The following MYH7 variants were observed in gnomAD, a reference collection of about 807,000 sequenced individuals.
MYH7 encodes the protein myosin-7.
A neutral mutation model predicts 225.4 loss-of-function variants in MYH7; 129 were observed. That is an observed-to-expected ratio of 0.57 (90% CI 0.50 to 0.66). MYH7 has a LOEUF of 0.66. MYH7 is among the 30% of genes least tolerant of loss of function. The pLI, the probability that MYH7 is intolerant of heterozygous loss-of-function variation, is 0.00. For synonymous variants in MYH7, 971 were observed against 1,007.6 expected, an observed-to-expected ratio of 0.96 and a Z score of 0.69; for missense variants, 1,649 against 2,517.0, an observed-to-expected ratio of 0.66 and a Z score of 7.38.
At chr14:23,414,619 C>A (rs561089320) in intron 37 of MYH7, among the ~76,000 whole-genome samples, 1 of 152,266 alleles carries the variant, frequency 6.6e-6, no homozygotes, top group Non-Finnish European at 1.5e-5. Flanking sequence ...GTCCACACTG[C>A]CCTGGGCAAT....
chr14:23,412,900 T>A lies in MYH7; in HGVS notation c.5791-29A>T, dbSNP rs1207463920. 1.9e-6 allele frequency: 3 copies of A among 1,612,446 alleles called. No individual in the cohort carries two copies. In the African/African-American group the frequency reaches 4.0e-5, roughly 22 times the overall value. ...TTGAAAGGAAACAAAGTCCAATCAG[T>A]CCTTGGAGAGATGGTATTGGGCAGG... On this transcript the variant is annotated intron_variant, in intron 39 of 39. Coordinates refer to ENST00000355349, the MANE Select transcript of MYH7 (RefSeq NM_000257.4).
At position 23,413,812 on chromosome 14, in the gene MYH7, C is replaced by T. The variant is rs747451109; in HGVS notation, c.5737G>A (p.Ala1913Thr). 5 of 1,614,142 alleles carry T rather than the reference C, an allele frequency of 3.1e-6. No individual in the cohort carries two copies. The highest frequency in any genetic ancestry group is 2.2e-5 in the South Asian group (2 of 91,084). ...CGCAGCTTGTTGACCTGGGACTCGGCGATGTCCGCCCGCTCCTCTGCCTCA... is the reference window on the plus strand; with the variant it reads ...CGCAGCTTGTTGACCTGGGACTCGGTGATGTCCGCCCGCTCCTCTGCCTCA... ...LDEAEERADI[A>T]ESQVNKLRAK... The change falls in exon 39 of 40, where the codon GCC becomes ACC. Residue 1913 changes from alanine (A) to threonine (T), a missense_variant. Around this residue, in one of 12 missense-constraint regions of MYH7, gnomAD observed 687 missense variants for 913.8 expected, o/e 0.75. Coordinates refer to ENST00000355349, the MANE Select transcript of MYH7 (RefSeq NM_000257.4).
Position 23,429,491 on chromosome 14 carries a change from C to A in MYH7, c.1139-144G>T, listed in dbSNP as rs570319937. ...AGGAGTTTGAGACCAACCTGGCCAACATGATGAAACCCCATCTCTACTAAA... is the reference window on the plus strand; with the variant it reads ...AGGAGTTTGAGACCAACCTGGCCAAAATGATGAAACCCCATCTCTACTAAA... On this transcript the variant is annotated intron_variant, in intron 12 of 39. Coordinates refer to ENST00000355349, the MANE Select transcript of MYH7 (RefSeq NM_000257.4). 9.0e-6 allele frequency: 8 copies of A among 891,016 alleles called. No homozygotes were observed. The Admixed American group carries it at 9.9e-5, about 11-fold the overall frequency. 55.2% of individuals were successfully genotyped at this position (891,016 alleles called of 1,614,324 possible).
At position 23,416,273 on chromosome 14, in the gene MYH7, G is replaced by A. The variant is rs1263708425; in HGVS notation, c.4684C>T (p.Gln1562Ter). The part of the protein sequence containing the change: ...EHEEGKILRA[Q>*]LEFNQIKAEI... ...GCCTTGATCTGGTTGAACTCCAGCT[G>A]GGCCCGGAGGATCTTGCCCTCCTCG... is the stretch of plus-strand genomic sequence containing the variant. The change falls in exon 34 of 40, where the codon CAG (glutamine) becomes TAG (stop). Residue 1562 changes from glutamine to a stop codon, truncating the protein, a stop_gained. Transcript: ENST00000355349. LOFTEE classifies it high-confidence loss of function. 1.2e-6 allele frequency: 2 copies of A among 1,613,148 alleles called. No individual in the cohort carries two copies. Among genetic ancestry groups the A allele is most frequent in the Admixed American group, 1.7e-5 (1 of 59,986 alleles).
chr14:23,433,519 G>A lies in MYH7; in HGVS notation c.201+13C>T, dbSNP rs781529698. On this transcript the variant is annotated intron_variant, in intron 3 of 39. Coordinates refer to ENST00000355349, the MANE Select transcript of MYH7 (RefSeq NM_000257.4). This position sits in a 1 kb window ranked among gnomAD's most constrained non-coding sequence, Gnocchi z 4.1. ...GTGGCCAGGGTGGACTCTCACATCA[G>A]CCTGACACCCACCTTGCCATACTCG... 3 of 1,613,286 alleles carry A rather than the reference G, an allele frequency of 1.9e-6. No homozygotes were observed. The highest frequency in any genetic ancestry group is 3.3e-5 in the Admixed American group (2 of 60,030).
chr14:23,427,587 G>A lies in MYH7; in HGVS notation c.1886C>T (p.Ala629Val), dbSNP rs140824103. ...CGGGAGCCTCAGTCCCTACTTACGC[G>A]CATCAGCCCCAGCATAGTTGGCAAA... ...TLFANYAGAD[A>V]PIEKGKGKAK... Residue 629 changes from alanine (A) to valine (V), a missense_variant and splice_region_variant, in exon 16 of 40, where the codon GCG becomes GTG. Physicochemically the swap from Ala to Val is moderately conservative, Grantham distance 64. Coordinates refer to ENST00000355349, the MANE Select transcript of MYH7 (RefSeq NM_000257.4). 20 of 1,613,816 alleles carry A rather than the reference G, an allele frequency of 1.2e-5. No homozygotes were observed. The highest frequency in any genetic ancestry group is 3.3e-5 in the Admixed American group (2 of 59,978).
intron 8 of MYH7, 26 bp from the exon 9 acceptor site, chr14:23,431,507 T>G (rs1405140732): frequency 6.2e-7 from 1 of 1,613,976 alleles, no homozygotes; most frequent in Non-Finnish European, 8.5e-7. Context: ...AGAGTGGTGA[T>G]GAGTTGGGGG....
intron 17 of MYH7, 67 bp downstream of exon 17, chr14:23,427,173 G>A: frequency 2.2e-6 from 3 of 1,356,582 alleles, no homozygotes; most frequent in Non-Finnish European, 2.0e-6. Flanking sequence ...ACAAGGCAGG[G>A]AAGGGTGGGG....
chr14:23,429,943 C>T, intron 11 of MYH7, 30 bp from the exon 12 acceptor site: 1 of 1,613,204 alleles, frequency 6.2e-7, no homozygotes, highest in Non-Finnish European at 8.5e-7. Flanking sequence ...TGGCGGACCC[C>T]AGAAAAAGAA....
chr14:23,425,537 A>G lies in MYH7; in HGVS notation c.2287-119T>C. On this transcript the variant is annotated intron_variant, in intron 20 of 39. Transcript: ENST00000355349. This position sits in a 1 kb window ranked among gnomAD's most constrained non-coding sequence, Gnocchi z 4.6. ...GGATTGCAGGGAGGAGGTCAATGGC[A>G]GCTGGAGCTGGGATGAGGGGAGTGG... is the stretch of plus-strand genomic sequence containing the variant. 1.3e-6 allele frequency: 2 copies of G among 1,581,210 alleles called. No homozygotes were observed. The highest frequency in any genetic ancestry group is 1.7e-6 in the Non-Finnish European group (2 of 1,159,900).
chr14:23,427,707 T>C lies in MYH7; in HGVS notation c.1766A>G (p.Asn589Ser), dbSNP rs764669662. 5 of 1,614,158 alleles carry C rather than the reference T, an allele frequency of 3.1e-6. No individual in the cohort carries two copies. Among genetic ancestry groups the C allele is most frequent in the Non-Finnish European group, 4.2e-6 (5 of 1,180,010 alleles). The change falls in exon 16 of 40, where the codon AAC (asparagine) becomes AGC (serine). Residue 589 changes from asparagine (N) to serine (S), a missense_variant. By Grantham distance (46) the Asn-to-Ser change is conservative (BLOSUM62 1). Transcript: ENST00000355349. ...LIHYAGIVDY[N>S]IIGWLQKNKD... Reference sequence around the variant, plus strand: ...GTTCTTCTGCAGCCAGCCAATGATGTTGTAGTCCACGATGCCGGCATAGTG... The same window carrying C: ...GTTCTTCTGCAGCCAGCCAATGATGCTGTAGTCCACGATGCCGGCATAGTG...
chr14:23,413,927 C>T (rs760334246), intron 38 of MYH7, 34 bp from the exon 39 acceptor site: 1 of 1,614,192 alleles, frequency 6.2e-7, no homozygotes, highest in African/African-American at 1.3e-5. Context: ...TGAGAGGGGG[C>T]CTGGGTTCTC....
rs2138640442 is a variant in MYH7 at position 23,415,727 on chromosome 14, C to A, written c.5059G>T (p.Glu1687Ter). The A allele has an allele frequency of 6.2e-7, 1 of 1,614,212 alleles. No individual in the cohort carries two copies. The highest frequency in any genetic ancestry group is 8.5e-7 in the Non-Finnish European group (1 of 1,180,046). ...GTCTGCTCCACCACGGCACGCAACT[C>A]CTCCAGCTCAGCCTGCAGCAGGTTG... ...RNNLLQAELE[E>*]LRAVVEQTER... is the part of the protein sequence containing the mutation. The change falls in exon 35 of 40, where the codon GAG becomes TAG. Residue 1687 changes from glutamate (E) to a stop codon, truncating the protein, a stop_gained. Coordinates refer to ENST00000355349, the MANE Select transcript of MYH7 (RefSeq NM_000257.4). LOFTEE classifies it high-confidence loss of function. This position sits in a 1 kb window ranked among gnomAD's most constrained non-coding sequence, Gnocchi z 6.3.
At chr14:23,430,166 A>G (rs1019299411) in intron 11 of MYH7, among the ~76,000 whole-genome samples, 1 of 152,136 alleles carries the variant, frequency 6.6e-6, no homozygotes, top group Non-Finnish European at 1.5e-5. Flanking sequence ...TTTCTGAGTT[A>G]CCCACTTATG....
intron 14 of MYH7, 31 bp downstream of exon 14, chr14:23,428,924 T>A: frequency 6.2e-7 from 1 of 1,614,070 alleles, no homozygotes; most frequent in South Asian, 1.1e-5. Context: ...AGTGAGTGAT[T>A]GTTCTCCCAC....
At chr14:23,435,073 C>G (rs891920109) in intron 1 of MYH7, among the ~76,000 whole-genome samples, 15 of 152,136 alleles carry the variant, frequency 9.9e-5, no homozygotes, top group African/African-American at 3.1e-4. Flanking sequence ...ACCCCCGTGC[C>G]TGTGAGTTCC....
rs1892897085 is a variant in MYH7, at chr14:23,430,749, G to A, written c.896-86C>T. ...GCCACAGCACATGGCCTGAGGAAGA[G>A]CACAGGACAGGGCTTGGCTTGGCCC... On this transcript the variant is annotated intron_variant, in intron 10 of 39. Coordinates refer to ENST00000355349, the MANE Select transcript of MYH7 (RefSeq NM_000257.4). 3 of 1,339,196 alleles carry A rather than the reference G, an allele frequency of 2.2e-6. No homozygotes were observed. In the African/African-American group the frequency reaches 4.3e-5, roughly 19 times the overall value. 83.0% of individuals were successfully genotyped at this position (1,339,196 alleles called of 1,614,324 possible). A position where few individuals can be genotyped will look rare whatever the true frequency, so the allele number is the denominator to read the frequency against.
In MYH7 at chr14:23,430,563, A is replaced by T. The variant is rs1182753372; in HGVS notation, c.996T>A (p.Thr332=). 1 of 1,612,598 alleles carries T rather than the reference A, an allele frequency of 6.2e-7. No homozygotes were observed. Among genetic ancestry groups the T allele is most frequent in the Admixed American group, 1.7e-5 (1 of 59,980 alleles). Residue 332 remains threonine, a synonymous_variant, in exon 11 of 40, where the codon ACT becomes ACA. Transcript: ENST00000355349. ...SIDDAEELMA[T]DNAFDVLGFT... is the part of the protein sequence containing the mutation. ...GGCTGGGTCCTCACACACTCACATC[A>T]GTGGCCATGAGCTCCTCAGCGTCAT...
chr14:23,426,125 C>A (rs767360827), intron 18 of MYH7, 44 bp from the exon 19 acceptor site: 1 of 1,607,376 alleles, frequency 6.2e-7, no homozygotes, highest in Admixed American at 1.7e-5. Flanking sequence ...GAACACTGGA[C>A]TGAAGTTCTG....
Sources: gnomAD v4.1 joint callset for allele counts (sites outside exome capture counted in the v4.1 genomes callset) on GRCh38, gnomAD v4.1.1 for gene constraint, gnomAD v4.1.1 regional missense constraint, Gnocchi (gnomAD v3.1) non-coding constraint, MANE v1.5 for transcripts, NCBI Gene and HGNC (gene_info 2026-07-23, HGNC 2026-07-21) for gene names.